The following LIMCH1 variants were observed in gnomAD, a reference collection of about 807,000 sequenced individuals.
LIMCH1 encodes LIM and calponin homology domains 1.
LIMCH1 carries 113 observed loss-of-function variants against 176.5 expected under a neutral mutation model. The ratio of observed to expected loss-of-function variants is 0.64; its 90% confidence interval spans 0.55 to 0.75. The LOEUF is 0.75. Ranked by LOEUF, LIMCH1 falls within the 30% of genes least tolerant of loss-of-function variation. The pLI, the probability that LIMCH1 is intolerant of heterozygous loss-of-function variation, is 0.00. For missense variants in LIMCH1, 1,674 were observed against 1,814.9 expected (o/e 0.92, Z 1.41); for synonymous variants, 619 against 645.9 (o/e 0.96, Z 0.63).
chr4:41,481,849 GT>G (rs566544376), intron 1 of LIMCH1, among the ~76,000 whole-genome samples: 2,112 of 141,742 alleles, frequency 0.015, 31 homozygotes, highest in African/African-American at 0.048. Context: ...TGAAATAGTT[GT>G]TTTTTTTTTT....
intron 2 of LIMCH1, 68 bp downstream of exon 2, chr4:41,599,094 G>A (rs2089456428): frequency 4.3e-6 from 4 of 923,700 alleles, no homozygotes; most frequent in African/African-American, 1.6e-5. Context: ...TTGTGATGAT[G>A]TTGTAAGTTC....
intron 1 of LIMCH1, among the ~76,000 whole-genome samples, chr4:41,381,546 C>T (rs1309209484): frequency 6.6e-6 from 1 of 152,082 alleles, no homozygotes; most frequent in Admixed American, 6.6e-5. Flanking sequence ...CGTTCTTCTC[C>T]CTGAAGAGGT....
Position 41,598,903 on chromosome 4 carries a change from T to C in LIMCH1, c.-240-17T>C, listed in dbSNP as rs905762455. 2 of 1,496,856 alleles carry C rather than the reference T, an allele frequency of 1.3e-6. No homozygotes were observed. The highest frequency in any genetic ancestry group is 2.8e-5 in the African/African-American group (2 of 72,280). 92.7% of individuals were successfully genotyped at this position (1,496,856 alleles called of 1,614,324 possible). A position where few individuals can be genotyped will look rare whatever the true frequency, so the allele number is the denominator to read the frequency against. Reference sequence around the variant, plus strand: ...ATCTAAGATAATATAGACTTATATTTCTTTTTTTCCTTCTAGGACAATATT... The same window carrying C: ...ATCTAAGATAATATAGACTTATATTCCTTTTTTTCCTTCTAGGACAATATT... On this transcript the variant is annotated splice_polypyrimidine_tract_variant and intron_variant, in intron 1 of 31. Coordinates refer to ENST00000503057, the MANE Select transcript of LIMCH1 (RefSeq NM_001330672.2).
At position 41,501,881 on chromosome 4, in the gene LIMCH1, TTTTTTA is replaced by T. The variant is rs1431486387; in HGVS notation, c.167+7276_167+7281del. On this transcript the variant is annotated intron_variant, in intron 2 of 26. Coordinates refer to the LIMCH1 transcript ENST00000313860. ...CCTTTTTTTTTTTTTTTTTTTTTTT[TTTTTTA>T]AAAAAAACCTTCAATTTTTATTTTA... is the stretch of plus-strand genomic sequence containing the variant. 1.2e-4 allele frequency among the ~76,000 whole-genome samples: 16 copies of T among 135,260 alleles called. 1 individual carries two copies. Among genetic ancestry groups the T allele is most frequent in the Non-Finnish European group, 2.1e-4 (13 of 62,708 alleles). 88.7% of individuals were successfully genotyped at this position (135,260 alleles called of 152,430 possible).
intron 21 of LIMCH1, among the ~76,000 whole-genome samples, chr4:41,669,295 A>G (rs1201864503): frequency 6.6e-6 from 1 of 152,230 alleles, no homozygotes; most frequent in East Asian, 1.9e-4. Flanking sequence ...CTGGCCCAGA[A>G]TAAGCATTCA....
At chr4:41,393,734 A>G (rs1371682652) in intron 1 of LIMCH1, among the ~76,000 whole-genome samples, 1 of 152,234 alleles carries the variant, frequency 6.6e-6, no homozygotes, top group African/African-American at 2.4e-5. Context: ...TCTTTAACCT[A>G]TAAAAATGTA....
intron 21 of LIMCH1, among the ~76,000 whole-genome samples, chr4:41,667,416 G>GTA (rs1553864320): frequency 6.6e-6 from 1 of 150,636 alleles, no homozygotes; most frequent in Non-Finnish European, 1.5e-5. Flanking sequence ...AGAAACGTGT[G>GTA]TGTGTGTGTA....
At position 41,612,741 on chromosome 4, in the gene LIMCH1, C is replaced by T. The variant is rs1584860910; in HGVS notation, c.10-725C>T. 5 of 675,190 alleles carry T rather than the reference C, an allele frequency of 7.4e-6. No homozygotes were observed. In the East Asian group the frequency reaches 1.3e-4, roughly 18 times the overall value. The allele number at this position is 675,190 out of a possible 1,614,324, so 41.8% of individuals were successfully genotyped here. A position where few individuals can be genotyped will look rare whatever the true frequency, so the allele number is the denominator to read the frequency against. ...TCCCTGCTCTGAACATGTGGGTCAG[C>T]CACAAGTGCTTTCAGCTCCCCCAGC... On this transcript the variant is annotated intron_variant, in intron 4 of 31. Transcript: ENST00000503057.
rs75242146 is a variant in LIMCH1, at chr4:41,665,238, G to A, written c.3292-1323G>A. On this transcript the variant is annotated intron_variant, in intron 20 of 31. Transcript: ENST00000503057. ...TTACAGGCTTACCTTTTTACATAGC[G>A]GTCATTTTGATCATTGCTGATGACC... Among the ~76,000 whole-genome samples, 695 of 152,160 alleles carry A rather than the reference G, an allele frequency of 4.6e-3. 3 individuals carry two copies. Among genetic ancestry groups the A allele is most frequent in the South Asian group, 7.9e-3 (38 of 4,820 alleles).
At chr4:41,663,172 T>TGTGTGA (rs1202183322) in intron 20 of LIMCH1, among the ~76,000 whole-genome samples, 188 bp downstream of exon 20, 2 of 147,102 alleles carry the variant, frequency 1.4e-5, no homozygotes, top group Non-Finnish European at 3.0e-5. Flanking sequence ...TGTGTGTGTG[T>TGTGTGA]GATGGAGTTT....
chr4:41,650,549 G>A lies in LIMCH1; in HGVS notation c.2977G>A (p.Asp993Asn). ...VHGSPLELKQ[D>N]NGSIEINIKK... ...CGGGTCTCCACTGGAGCTGAAACAA[G>A]ACAACGGTAGCATCGAGATCAACAT... The change falls in exon 18 of 32, where the codon GAC becomes AAC. Residue 993 changes from aspartate to asparagine, a missense_variant. Physicochemically the swap from Asp to Asn is conservative, Grantham distance 23. Coordinates refer to ENST00000503057, the MANE Select transcript of LIMCH1 (RefSeq NM_001330672.2). The A allele has an allele frequency of 6.2e-7, 1 of 1,614,046 alleles. No homozygotes were observed. The highest frequency in any genetic ancestry group is 1.3e-5 in the African/African-American group (1 of 75,022).
intron 1 of LIMCH1, among the ~76,000 whole-genome samples, chr4:41,562,003 G>A (rs2082130324): frequency 6.6e-6 from 1 of 152,136 alleles, no homozygotes; most frequent in South Asian, 2.1e-4. Context: ...TTCATAGGCA[G>A]TATCATTATT....
chr4:41,416,351 A>G (rs1466999362), intron 1 of LIMCH1, among the ~76,000 whole-genome samples: 1 of 152,158 alleles, frequency 6.6e-6, no homozygotes, highest in African/African-American at 2.4e-5. Flanking sequence ...GCTTCATAAT[A>G]GTGAGAACTG....
At chr4:41,419,157 T>C (rs962742648) in intron 1 of LIMCH1, among the ~76,000 whole-genome samples, 8 of 98,976 alleles carry the variant, frequency 8.1e-5, no homozygotes, top group Non-Finnish European at 1.6e-4. Flanking sequence ...TATTTTATTT[T>C]ATTTTATTTC....
At chr4:41,376,854 T>C (rs1219747087) in intron 1 of LIMCH1, among the ~76,000 whole-genome samples, 1 of 152,192 alleles carries the variant, frequency 6.6e-6, no homozygotes, top group African/African-American at 2.4e-5. Flanking sequence ...TTTGGGGTGA[T>C]GGAAATGTTC....
At chr4:41,638,863 A>G in intron 13 of LIMCH1, 69 bp from the exon 14 acceptor site, 1 of 1,335,638 alleles carries the variant, frequency 7.5e-7, no homozygotes. Context: ...GGCAGTTTCT[A>G]TTTCCAGCTT....
chr4:41,564,860 T>G (rs10021744), intron 1 of LIMCH1, among the ~76,000 whole-genome samples: 53,124 of 151,960 alleles, frequency 0.35, 14,759 homozygotes, highest in African/African-American at 0.78. Flanking sequence ...CACGAGATCT[T>G]ATGGTTTTAT....
At chr4:41,511,365 C>T (rs1010571473) in intron 2 of LIMCH1, among the ~76,000 whole-genome samples, 1 of 152,350 alleles carries the variant, frequency 6.6e-6, no homozygotes, top group Admixed American at 6.5e-5. Flanking sequence ...CCACAACATC[C>T]CCAGTGCTGC....
rs556808995 is a variant in LIMCH1 at position 41,401,037 on chromosome 4, T to G, written c.96+40101T>G. Among the ~76,000 whole-genome samples the G allele has an allele frequency of 3.0e-4, 46 of 152,356 alleles. No individual in the cohort carries two copies. The South Asian group carries it at 7.4e-3, about 25-fold the overall frequency. On this transcript the variant is annotated intron_variant, in intron 1 of 26. Transcript: ENST00000313860. ...CTGTGCAGAAGCTCTTTAGTTTAAT[T>G]AGATCCCATTTGTCAATTTTGGCTT... is the stretch of plus-strand genomic sequence containing the variant.
Sources: allele counts gnomAD v4.1 joint callset (sites outside exome capture counted in the v4.1 genomes callset), GRCh38; gene constraint gnomAD v4.1.1; transcripts MANE v1.5; gene names NCBI Gene and HGNC (gene_info 2026-07-23, HGNC 2026-07-21).